Variants in SPAG16 observed in about 807,000 individuals in gnomAD.
SPAG16 encodes sperm-associated antigen 16 protein.
SPAG16 carries 86 observed loss-of-function variants against 80.4 expected under a neutral mutation model. That is an observed-to-expected ratio of 1.07 (90% confidence interval 0.90 to 1.28). The LOEUF (loss-of-function observed/expected upper bound fraction) is 1.28. Among genes scored for constraint, SPAG16 ranks in the 50% most tolerant of loss-of-function variants. The probability of loss-of-function intolerance (pLI) is 0.00; values close to 1 mark genes in which losing one functional copy is unlikely to be tolerated. For missense variants in SPAG16, 870 were observed against 765.3 expected (o/e 1.14, Z -1.61); for synonymous variants, 294 against 265.9 (o/e 1.11, Z -1.03).
chr2:213,664,369 C>T (rs937695635), intron 10 of SPAG16, among the ~76,000 whole-genome samples: 3 of 151,984 alleles, frequency 2.0e-5, no homozygotes, highest in African/African-American at 7.2e-5. Context: ...ATTTTTTCTA[C>T]CACACATGGA....
chr2:213,458,924 C>T (rs936079220), intron 9 of SPAG16, among the ~76,000 whole-genome samples: 1 of 152,036 alleles, frequency 6.6e-6, no homozygotes, highest in Non-Finnish European at 1.5e-5. Context: ...ATGTAGTTTA[C>T]CATGTTTTTT....
chr2:213,439,745 G>A (rs953877748), intron 9 of SPAG16, among the ~76,000 whole-genome samples: 2 of 152,186 alleles, frequency 1.3e-5, no homozygotes, highest in Admixed American at 6.5e-5. Context: ...TGAAAATTAT[G>A]ACATTGGTTA....
intron 9 of SPAG16, among the ~76,000 whole-genome samples, chr2:213,387,429 C>CT (rs1491308938): frequency 0.052 from 3,690 of 71,570 alleles, 832 homozygotes; most frequent in East Asian, 0.064. Context: ...GAAATGCATG[C>CT]TCTTTTTTTT....
At chr2:213,477,227 T>C (rs979074843) in intron 9 of SPAG16, among the ~76,000 whole-genome samples, 1 of 152,140 alleles carries the variant, frequency 6.6e-6, no homozygotes, top group Non-Finnish European at 1.5e-5. Flanking sequence ...ATCCTTGGCT[T>C]GAAGGTCAAG....
Position 213,862,580 on chromosome 2 carries a change from C to T in SPAG16, c.1166C>T (p.Thr389Met), listed in dbSNP as rs568087608. The part of the protein sequence containing the change: ...LGLPKCNVLL[T>M]GFGHTDWLSD... ...CTTCCAAAATGCAATGTGCTTCTCA[C>T]GGGATTTGGCCACACTGACTGGCTT... Residue 389 changes from threonine to methionine, a missense_variant, in exon 11 of 16, where the codon ACG becomes ATG. Coordinates refer to ENST00000331683, the MANE Select transcript of SPAG16 (RefSeq NM_024532.5). 38 of 1,614,154 alleles carry T rather than the reference C, an allele frequency of 2.4e-5. No homozygotes were observed. In the East Asian group the frequency reaches 2.9e-4, roughly 12 times the overall value.
chr2:214,388,694 A>G (rs1700897467), intron 15 of SPAG16, among the ~76,000 whole-genome samples: 1 of 152,196 alleles, frequency 6.6e-6, no homozygotes, highest in African/African-American at 2.4e-5. Flanking sequence ...CAATCCCAAA[A>G]TAAACTTTAC....
chr2:214,188,452 A>T (rs887096977), intron 15 of SPAG16, among the ~76,000 whole-genome samples: 3 of 152,178 alleles, frequency 2.0e-5, no homozygotes, highest in African/African-American at 7.2e-5. Flanking sequence ...TTTAGATCTG[A>T]TTCTTCAAAC....
Position 214,090,828 on chromosome 2 carries a change from G to A in SPAG16, c.1528-17368G>A, listed in dbSNP as rs180681851. Among the ~76,000 whole-genome samples the A allele has an allele frequency of 1.9e-3, 282 of 152,052 alleles. 5 individuals are homozygous for A. Among genetic ancestry groups the A allele is most frequent in the African/African-American group, 5.8e-3 (240 of 41,510 alleles). Reference sequence around the variant, plus strand: ...CCTCATTAGTCTTTGCGTCCTTTGAGAGTAAAAATATATACTCATATAAAC... The same window carrying A: ...CCTCATTAGTCTTTGCGTCCTTTGAAAGTAAAAATATATACTCATATAAAC... On this transcript the variant is annotated intron_variant, in intron 13 of 15. Coordinates refer to ENST00000331683, the MANE Select transcript of SPAG16 (RefSeq NM_024532.5).
chr2:214,403,355 GATAT>G (rs1043796174), intron 15 of SPAG16, among the ~76,000 whole-genome samples: 11 of 147,916 alleles, frequency 7.4e-5, no homozygotes, highest in Non-Finnish European at 1.2e-4. Context: ...TTATATATGA[GATAT>G]ATATTTATAC....
chr2:213,394,145 T>G (rs339814), intron 9 of SPAG16, among the ~76,000 whole-genome samples: 1 of 152,114 alleles, frequency 6.6e-6, no homozygotes, highest in Non-Finnish European at 1.5e-5. Flanking sequence ...GAAACCCTTT[T>G]TTATCTCAAG....
chr2:214,200,829 C>A (rs2057989203), intron 15 of SPAG16, among the ~76,000 whole-genome samples: 1 of 152,172 alleles, frequency 6.6e-6, no homozygotes, highest in Admixed American at 6.5e-5. Flanking sequence ...TATTACTTAA[C>A]ACCAAAGGCC....
chr2:213,930,136 A>T lies in SPAG16; in HGVS notation c.1391A>T (p.Asp464Val), dbSNP rs757978410. Residue 464 changes from aspartate (D) to valine (V), a missense_variant, in exon 12 of 16, where the codon GAT (aspartate) becomes GTT (valine). Transcript: ENST00000331683. ...CTGGATAAAACTAGCAAAATTTGGG[A>T]TGTTAATAGGTAAGAAGTACTTTAA... The part of the protein sequence containing the change: ...SSLDKTSKIW[D>V]VNSERCRCTL... The T allele has an allele frequency of 6.2e-7, 1 of 1,613,290 alleles. No individual in the cohort carries two copies. Among genetic ancestry groups the T allele is most frequent in the Non-Finnish European group, 8.5e-7 (1 of 1,179,644 alleles).
At chr2:213,852,387 A>C (rs947396020) in intron 10 of SPAG16, among the ~76,000 whole-genome samples, 1 of 152,174 alleles carries the variant, frequency 6.6e-6, no homozygotes, top group African/African-American at 2.4e-5. Context: ...AAACCGTGAA[A>C]TGATCTTAGG....
At chr2:213,821,978 T>C (rs1015471916) in intron 10 of SPAG16, among the ~76,000 whole-genome samples, 8 of 152,210 alleles carry the variant, frequency 5.3e-5, no homozygotes, top group Admixed American at 2.0e-4. Flanking sequence ...TGCTTCCAAA[T>C]CTTGGCTATT....
chr2:214,136,178 A>G (rs1240706826), intron 14 of SPAG16, among the ~76,000 whole-genome samples: 1 of 152,144 alleles, frequency 6.6e-6, no homozygotes, highest in Non-Finnish European at 1.5e-5. Flanking sequence ...CAAACCATTC[A>G]TGAGTGAGCC....
chr2:213,544,492 G>A (rs1200085958), intron 10 of SPAG16, among the ~76,000 whole-genome samples: 5 of 151,946 alleles, frequency 3.3e-5, no homozygotes, highest in East Asian at 1.9e-4. Flanking sequence ...AGGTATATTC[G>A]TTTTAATTTA....
chr2:213,833,953 T>C (rs1269464872), intron 10 of SPAG16, among the ~76,000 whole-genome samples: 2 of 152,042 alleles, frequency 1.3e-5, no homozygotes, highest in African/African-American at 4.8e-5. Flanking sequence ...ACTTGAATTT[T>C]ATCTCCCAGA....
At chr2:214,406,531 T>C (rs1702007089) in intron 15 of SPAG16, among the ~76,000 whole-genome samples, 1 of 152,156 alleles carries the variant, frequency 6.6e-6, no homozygotes, top group Non-Finnish European at 1.5e-5. Context: ...CAAGTTTTTA[T>C]AACAAATTCA....
At chr2:213,451,304 T>A (rs960832129) in intron 9 of SPAG16, among the ~76,000 whole-genome samples, 8 of 152,216 alleles carry the variant, frequency 5.3e-5, no homozygotes, top group Non-Finnish European at 8.8e-5. Flanking sequence ...TATCCTCTTT[T>A]CCTAGGTAAT....
Sources: gnomAD v4.1 joint callset for allele counts (sites outside exome capture counted in the v4.1 genomes callset) on GRCh38, gnomAD v4.1.1 for gene constraint, MANE v1.5 for transcripts, NCBI Gene and HGNC (gene_info 2026-07-23, HGNC 2026-07-21) for gene names.